CTNND2: variants seen among roughly 807,000 people sequenced by gnomAD.
The protein encoded by CTNND2 is catenin delta 2.
In CTNND2, 22 loss-of-function variants were observed where a neutral mutation model predicts 144.4. The observed-to-expected ratio is 0.15, with a 90% CI of 0.11 to 0.22. The LOEUF is 0.22. Ranked by LOEUF, CTNND2 falls within the 10% of genes least tolerant of loss-of-function variation. The pLI is 1.00. For missense variants in CTNND2, 1,353 were observed against 1,618.8 expected, an observed-to-expected ratio of 0.84 and a Z score of 2.82; for synonymous variants, 751 against 695.6, an observed-to-expected ratio of 1.08 and a Z score of -1.25.
chr5:11,865,330 C>T (rs1795712496), intron 1 of CTNND2, among the ~76,000 whole-genome samples: 1 of 151,984 alleles, frequency 6.6e-6, no homozygotes. Flanking sequence ...TTTTGTTTGG[C>T]AGCCTATCTG....
At chr5:11,404,779 G>A (rs564530891) in intron 5 of CTNND2, among the ~76,000 whole-genome samples, 31 of 151,862 alleles carry the variant, frequency 2.0e-4, no homozygotes, top group Non-Finnish European at 3.1e-4. Flanking sequence ...CACCATGCCC[G>A]GCTAATTTTT....
chr5:11,287,045 C>T (rs928421386), intron 9 of CTNND2, among the ~76,000 whole-genome samples: 5 of 152,146 alleles, frequency 3.3e-5, no homozygotes, highest in African/African-American at 1.2e-4. Flanking sequence ...ATCTCAATAA[C>T]ACCGTTGAGA....
intron 1 of CTNND2, among the ~76,000 whole-genome samples, chr5:11,852,548 C>T (rs1795063812): frequency 6.6e-6 from 1 of 152,126 alleles, no homozygotes; most frequent in Admixed American, 6.5e-5. Flanking sequence ...GACAGTATCA[C>T]TGACCAAAGA....
intron 3 of CTNND2, among the ~76,000 whole-genome samples, chr5:11,520,598 T>C (rs577340808): frequency 1.4e-4 from 21 of 152,348 alleles, no homozygotes; most frequent in Non-Finnish European, 2.5e-4. Context: ...TAGCAACTTG[T>C]CACCCATGAG....
chr5:11,709,034 T>G (rs1308754546), intron 2 of CTNND2, among the ~76,000 whole-genome samples: 1 of 152,204 alleles, frequency 6.6e-6, no homozygotes, highest in South Asian at 2.1e-4. Context: ...GCTACTATGA[T>G]AACAAAGTGA....
At chr5:11,364,138 C>G (rs1476667252) in intron 8 of CTNND2, among the ~76,000 whole-genome samples, 2 of 152,164 alleles carry the variant, frequency 1.3e-5, no homozygotes, top group Admixed American at 6.5e-5. Flanking sequence ...TATATTTAAT[C>G]CAGGAGAGCT....
chr5:11,566,235 G>C (rs1275769457), intron 2 of CTNND2, among the ~76,000 whole-genome samples: 3 of 152,206 alleles, frequency 2.0e-5, no homozygotes, highest in Non-Finnish European at 1.5e-5. Flanking sequence ...CTTTGTAAAT[G>C]AGAGCTTAAT....
chr5:11,601,035 A>G lies in CTNND2; in HGVS notation c.175-35979T>C, dbSNP rs569934539. Among the ~76,000 whole-genome samples, 6 of 152,086 alleles carry G rather than the reference A, an allele frequency of 3.9e-5. No homozygotes were observed. The East Asian group carries it at 1.2e-3, about 29-fold the overall frequency. On this transcript the variant is annotated intron_variant, in intron 2 of 21. Transcript: ENST00000304623. ...CATAAAACAGCAAGGTTTTTTTTTT[A>G]TACATGATACTCTATTTTAGTAACA...
At position 11,121,645 on chromosome 5, in the gene CTNND2, G is replaced by C. The variant is rs1031184572; in HGVS notation, c.2160-4078C>G. 6.6e-5 allele frequency among the ~76,000 whole-genome samples: 10 copies of C among 152,176 alleles called. 1 individual carries two copies. The South Asian group carries it at 2.1e-3, about 32-fold the overall frequency. ...TTTTTTATTTTAATGCAACTAAACTGCTTCCTTTCCCCTGTCTTCTGTGCT... is the reference window on the plus strand; with the variant it reads ...TTTTTTATTTTAATGCAACTAAACTCCTTCCTTTCCCCTGTCTTCTGTGCT... On this transcript the variant is annotated intron_variant, in intron 12 of 21. Transcript: ENST00000304623.
At chr5:11,641,571 CGTGT>C (rs111511982) in intron 2 of CTNND2, among the ~76,000 whole-genome samples, 1 of 135,344 alleles carries the variant, frequency 7.4e-6, no homozygotes, top group Non-Finnish European at 1.6e-5. Context: ...CATACATATA[CGTGT>C]GTATGTATAT....
intron 3 of CTNND2, among the ~76,000 whole-genome samples, chr5:11,434,249 A>C (rs1259084237): frequency 6.6e-6 from 1 of 152,262 alleles, no homozygotes; most frequent in African/African-American, 2.4e-5. Context: ...GATTCCATTC[A>C]ATATGGAATT....
rs915456303 is a variant in CTNND2 at position 11,221,283 on chromosome 5, C to G, written c.1761+15408G>C. Among the ~76,000 whole-genome samples the G allele has an allele frequency of 4.6e-5, 7 of 152,316 alleles. No individual in the cohort carries two copies. The East Asian group carries it at 1.3e-3, about 29-fold the overall frequency. ...GAAATTTGCATACATTTAAAGTCAG[C>G]CAACTGGGGCACCTGTTCAAGTCAG... is the stretch of plus-strand genomic sequence containing the variant. On this transcript the variant is annotated intron_variant, in intron 10 of 21. Coordinates refer to ENST00000304623, the MANE Select transcript of CTNND2 (RefSeq NM_001332.4).
chr5:11,410,082 C>T (rs10036380), intron 5 of CTNND2, among the ~76,000 whole-genome samples: 30,369 of 152,028 alleles, frequency 0.2, 6,509 homozygotes, highest in African/African-American at 0.54. Flanking sequence ...TGTTGCTGCT[C>T]TTATTACTTG....
chr5:11,351,179 A>G (rs1459138817), intron 8 of CTNND2, among the ~76,000 whole-genome samples: 1 of 151,990 alleles, frequency 6.6e-6, no homozygotes. Context: ...ACTTTTCCTT[A>G]TTTGCGTTTT....
chr5:11,630,269 C>T (rs374750358), intron 2 of CTNND2, among the ~76,000 whole-genome samples: 5 of 152,324 alleles, frequency 3.3e-5, no homozygotes, highest in African/African-American at 4.8e-5. Flanking sequence ...CTGCTACACA[C>T]ATCTCCTTGT....
In CTNND2 at chr5:11,267,203, T is replaced by G. The variant is rs191058469; in HGVS notation, c.1629-30380A>C. On this transcript the variant is annotated intron_variant, in intron 9 of 21. Coordinates refer to ENST00000304623, the MANE Select transcript of CTNND2 (RefSeq NM_001332.4). The stretch of plus-strand genomic sequence containing the variant: ...CTGAAGCTGACTTTCCATGAGACAG[T>G]ACTGTTGGGAAGGGCATGCTTCTGC... 1.3e-4 allele frequency among the ~76,000 whole-genome samples: 20 copies of G among 152,180 alleles called. 1 individual carries two copies. The highest frequency in any genetic ancestry group is 5.9e-4 in the Admixed American group (9 of 15,286).
At chr5:11,405,872 T>C (rs775967227) in intron 5 of CTNND2, among the ~76,000 whole-genome samples, 8 of 152,072 alleles carry the variant, frequency 5.3e-5, no homozygotes, top group Non-Finnish European at 8.8e-5. Flanking sequence ...AACAGTCTTG[T>C]TTGTATTTTA....
chr5:11,327,966 T>C (rs1752705735), intron 9 of CTNND2, among the ~76,000 whole-genome samples: 1 of 152,202 alleles, frequency 6.6e-6, no homozygotes, highest in Non-Finnish European at 1.5e-5. Context: ...TAATATATTT[T>C]ATGGAAAAAT....
intron 3 of CTNND2, among the ~76,000 whole-genome samples, chr5:11,515,074 GCAAA>G (rs10583931): frequency 0.066 from 9,446 of 143,340 alleles, 1,019 homozygotes; most frequent in African/African-American, 0.23. Context: ...TAAAGGCAGG[GCAAA>G]CAAACGAAAA....
Sources: gnomAD v4.1 joint callset for allele counts (sites outside exome capture counted in the v4.1 genomes callset) on GRCh38, gnomAD v4.1.1 for gene constraint, MANE v1.5 for transcripts, NCBI Gene and HGNC (gene_info 2026-07-23, HGNC 2026-07-21) for gene names.